The following OPCML variants were observed in gnomAD, a reference collection of about 807,000 sequenced individuals.
OPCML encodes opioid-binding protein/cell adhesion molecule.
Under a neutral mutation model 37.8 loss-of-function variants are expected in OPCML, and 13 were observed. The ratio of observed to expected loss-of-function variants is 0.34; its 90% CI spans 0.22 to 0.55. The LOEUF (loss-of-function observed/expected upper bound fraction) is 0.55, where lower values mean the gene tolerates loss of function less well. OPCML is among the 20% of genes least tolerant of loss of function. The pLI is 0.91. For missense variants in OPCML, 341 were observed against 435.6 expected, an observed-to-expected ratio of 0.78 and a Z score of 1.93; for synonymous variants, 176 against 168.8, an observed-to-expected ratio of 1.04 and a Z score of -0.33.
chr11:133,004,327 G>A (rs1947066010), intron 1 of OPCML: 15 of 985,428 alleles, frequency 1.5e-5, no homozygotes, highest in Non-Finnish European at 1.8e-5. Flanking sequence ...TTTATTTTGT[G>A]GGTCCTTTGG....
At chr11:133,484,010 TAGAC>T (rs1158652689) in intron 1 of OPCML, among the ~76,000 whole-genome samples, 18 of 149,950 alleles carry the variant, frequency 1.2e-4, no homozygotes, top group Non-Finnish European at 1.9e-4. Context: ...GATAGATAGA[TAGAC>T]AAATAGATGG....
intron 1 of OPCML, among the ~76,000 whole-genome samples, chr11:133,264,556 C>T (rs914131835): frequency 5.3e-5 from 8 of 152,098 alleles, no homozygotes; most frequent in Admixed American, 2.0e-4. Context: ...CAGTCCTATG[C>T]GGTGAATGCA....
intron 2 of OPCML, among the ~76,000 whole-genome samples, chr11:132,903,701 C>T (rs1467686115): frequency 2.0e-5 from 3 of 152,082 alleles, no homozygotes; most frequent in Non-Finnish European, 4.4e-5. Context: ...AGGGGTCAGT[C>T]CATCATCACT....
chr11:132,497,910 A>G lies in OPCML; in HGVS notation c.505+31151T>C, dbSNP rs570336518. 9.2e-5 allele frequency among the ~76,000 whole-genome samples: 14 copies of G among 152,336 alleles called. 1 individual carries two copies. In the South Asian group the frequency reaches 2.9e-3, roughly 32 times the overall value. On this transcript the variant is annotated intron_variant, in intron 4 of 7. Transcript: ENST00000524381. ...AAATTTTTTTAAAAAACACTGATGC[A>G]CAGCAGTTTGACATTTTTGTTTGCA...
intron 1 of OPCML, among the ~76,000 whole-genome samples, chr11:133,055,393 C>T (rs75823167): frequency 2.5e-4 from 33 of 134,534 alleles, no homozygotes; most frequent in African/African-American, 5.1e-4. Context: ...GTGGTGAGAC[C>T]CCATGAGGGA....
intron 1 of OPCML, among the ~76,000 whole-genome samples, chr11:132,994,224 T>A (rs762504788): frequency 1.3e-5 from 2 of 152,158 alleles, no homozygotes; most frequent in Non-Finnish European, 2.9e-5. Flanking sequence ...GGTGCGCTCC[T>A]GCCAGGAGCC....
chr11:133,329,054 G>T (rs1399410027), intron 1 of OPCML, among the ~76,000 whole-genome samples: 1 of 152,056 alleles, frequency 6.6e-6, no homozygotes, highest in African/African-American at 2.4e-5. Flanking sequence ...CAAACAGAGA[G>T]CCAAATCATG....
intron 1 of OPCML, among the ~76,000 whole-genome samples, chr11:133,168,931 C>A (rs202152378): frequency 1.0e-5 from 1 of 98,050 alleles, no homozygotes; most frequent in Non-Finnish European, 2.4e-5. Context: ...GAGTTCAAAA[C>A]CAGCCTGACC....
chr11:133,508,100 G>A (rs892002415), intron 1 of OPCML, among the ~76,000 whole-genome samples: 2 of 152,174 alleles, frequency 1.3e-5, no homozygotes, highest in Non-Finnish European at 2.9e-5. Flanking sequence ...AGAATTCAGG[G>A]AAGCAGGGCC....
intron 1 of OPCML, among the ~76,000 whole-genome samples, chr11:133,519,570 G>GA (rs1948358212): frequency 6.6e-6 from 1 of 151,806 alleles, no homozygotes; most frequent in African/African-American, 2.4e-5. Flanking sequence ...CTTTTACCAG[G>GA]GGAAAAAAAG....
chr11:133,004,090 G>C (rs1200580410), intron 1 of OPCML: 1 of 985,284 alleles, frequency 1.0e-6, no homozygotes, highest in African/African-American at 1.7e-5. Context: ...GCTGGCAGCT[G>C]TGTTCTAGCT....
At chr11:133,468,014 C>T (rs1287949039) in intron 1 of OPCML, among the ~76,000 whole-genome samples, 1 of 152,298 alleles carries the variant, frequency 6.6e-6, no homozygotes, top group Non-Finnish European at 1.5e-5. Context: ...GGATGGCAAA[C>T]AACACATCAT....
At chr11:132,436,630 G>C in intron 6 of OPCML, 29 bp downstream of exon 6, 1 of 1,612,382 alleles carries the variant, frequency 6.2e-7, no homozygotes, top group Non-Finnish European at 8.5e-7. Flanking sequence ...CTCTGCTTCA[G>C]AACTGTCCAG....
rs539812065 is a variant in OPCML, at chr11:133,177,977, G to A, written c.62-234967C>T. On this transcript the variant is annotated intron_variant, in intron 1 of 7. Transcript: ENST00000524381. This position sits in a 1 kb window ranked among gnomAD's most constrained non-coding sequence, Gnocchi z 5.0. ...AGAGCTGGCAGGAGGCAATCCCAAG[G>A]TTTAAGGCAGAATTATGATAGTTTT... Among the ~76,000 whole-genome samples the A allele has an allele frequency of 1.3e-4, 20 of 152,258 alleles. No homozygotes were observed. In the South Asian group the frequency reaches 4.1e-3, roughly 32 times the overall value.
chr11:133,334,669 A>G (rs1342412466), intron 1 of OPCML, among the ~76,000 whole-genome samples: 2 of 152,170 alleles, frequency 1.3e-5, no homozygotes, highest in Admixed American at 1.3e-4. Flanking sequence ...AAAGGAAAAA[A>G]CACTTTAACC....
At chr11:133,520,322 AG>A (rs1259989659) in intron 1 of OPCML, among the ~76,000 whole-genome samples, 14 of 152,172 alleles carry the variant, frequency 9.2e-5, no homozygotes, top group Admixed American at 8.5e-4. Context: ...TCTTTTTCTG[AG>A]GCTCCCAAGA....
intron 1 of OPCML, among the ~76,000 whole-genome samples, chr11:133,492,015 A>T (rs1052378125): frequency 6.6e-6 from 1 of 152,174 alleles, no homozygotes; most frequent in African/African-American, 2.4e-5. Context: ...AGCACGCTCA[A>T]ATCAGTGCCT....
chr11:133,148,098 G>A (rs922623056), intron 1 of OPCML, among the ~76,000 whole-genome samples: 3 of 152,138 alleles, frequency 2.0e-5, no homozygotes, highest in Non-Finnish European at 4.4e-5. Flanking sequence ...TGCCTTTCAG[G>A]AGAAAATTAA....
chr11:132,489,916 C>A (rs2096210691), intron 4 of OPCML, among the ~76,000 whole-genome samples: 3 of 152,080 alleles, frequency 2.0e-5, no homozygotes. Flanking sequence ...GTTCAGCTCC[C>A]ATTTATGAGT....
Sources: allele counts gnomAD v4.1 joint callset (sites outside exome capture counted in the v4.1 genomes callset), GRCh38; gene constraint gnomAD v4.1.1; non-coding constraint Gnocchi (gnomAD v3.1); transcripts MANE v1.5; gene names NCBI Gene and HGNC (gene_info 2026-07-23, HGNC 2026-07-21).